TRIM2: variants seen among roughly 807,000 people sequenced by gnomAD.
The protein encoded by TRIM2 is tripartite motif-containing protein 2.
A neutral mutation model predicts 75.2 loss-of-function variants in TRIM2; 20 were observed. The observed-to-expected ratio is 0.27, with a 90% CI of 0.19 to 0.39. The LOEUF (loss-of-function observed/expected upper bound fraction) is 0.39, where lower values mean the gene tolerates loss of function less well. Ranked by LOEUF, TRIM2 falls within the 10% of genes least tolerant of loss-of-function variation. TRIM2 has a pLI of 1.00. For synonymous variants in TRIM2, 373 were observed against 388.3 expected, an observed-to-expected ratio of 0.96 and a Z score of 0.46; for missense variants, 660 against 990.8, an observed-to-expected ratio of 0.67 and a Z score of 4.48.
At chr4:153,192,749 C>T (rs1733340846) in intron 1 of TRIM2, among the ~76,000 whole-genome samples, 1 of 152,172 alleles carries the variant, frequency 6.6e-6, no homozygotes, top group Non-Finnish European at 1.5e-5. Flanking sequence ...GTCCCCGGGC[C>T]TTTGCACCCA....
Position 153,273,767 on chromosome 4 carries a change from C to A in TRIM2, c.216-2126C>A, listed in dbSNP as rs374183722. Among the ~76,000 whole-genome samples, 87 of 152,256 alleles carry A rather than the reference C, an allele frequency of 5.7e-4. 1 individual carries two copies. The South Asian group carries it at 0.017, about 30-fold the overall frequency. ...TTAAACCAGTGACAAGTGCTGTACACCAGAAGTATACAGGAAACAATATAA... is the reference window on the plus strand; with the variant it reads ...TTAAACCAGTGACAAGTGCTGTACAACAGAAGTATACAGGAAACAATATAA... On this transcript the variant is annotated intron_variant, in intron 2 of 11. Coordinates refer to ENST00000338700, the MANE Select transcript of TRIM2 (RefSeq NM_015271.5).
chr4:153,306,554 G>A (rs1023007807), intron 6 of TRIM2, among the ~76,000 whole-genome samples: 1 of 152,216 alleles, frequency 6.6e-6, no homozygotes, highest in Non-Finnish European at 1.5e-5. Flanking sequence ...TCAGTGAAAT[G>A]TCAAAGATAG....
chr4:153,338,110 C>A lies in TRIM2; in HGVS notation c.*3144C>A. On this transcript the variant is annotated 3_prime_UTR_variant, in exon 12 of 12. Transcript: ENST00000338700. ...TTTGAAGCAAATAAATACTCCAGAT[C>A]CATGCAGCTAGAACACACTTGCTTC... 1.0e-6 allele frequency: 1 copy of A among 985,816 alleles called. No individual in the cohort carries two copies. The highest frequency in any genetic ancestry group is 4.7e-5 in the South Asian group (1 of 21,284). 61.1% of individuals were successfully genotyped at this position (985,816 alleles called of 1,614,324 possible).
intron 1 of TRIM2, among the ~76,000 whole-genome samples, chr4:153,192,133 A>C (rs1198623966): frequency 6.6e-6 from 1 of 151,760 alleles, no homozygotes; most frequent in Non-Finnish European, 1.5e-5. Context: ...CTCACCCCAC[A>C]CCCTTCCCCA....
intron 1 of TRIM2, among the ~76,000 whole-genome samples, chr4:153,185,466 G>A (rs926122321): frequency 6.6e-6 from 1 of 152,112 alleles, no homozygotes; most frequent in Non-Finnish European, 1.5e-5. Flanking sequence ...CCTACTGCAT[G>A]TCTCGGTGTG....
chr4:153,272,987 C>T (rs757991675), intron 2 of TRIM2, among the ~76,000 whole-genome samples: 1 of 151,990 alleles, frequency 6.6e-6, no homozygotes, highest in African/African-American at 2.4e-5. Flanking sequence ...TACAGGCATG[C>T]GCCACTATGC....
At position 153,178,218 on chromosome 4, in the gene TRIM2, G is replaced by A. The variant is rs148647224; in HGVS notation, c.-49+24948G>A. Among the ~76,000 whole-genome samples, 320 of 152,176 alleles carry A rather than the reference G, an allele frequency of 2.1e-3. 1 individual carries two copies. The highest frequency in any genetic ancestry group is 4.1e-3 in the Admixed American group (62 of 15,288). On this transcript the variant is annotated intron_variant, in intron 1 of 11. Coordinates refer to the TRIM2 transcript ENST00000437508. ...TGAGAGGTCAGGCTGGCCCTGTCTC[G>A]TAATGCAGCTCGGTTAGCACAGGGG...
chr4:153,173,898 C>T (rs1426135307), intron 1 of TRIM2, among the ~76,000 whole-genome samples: 2 of 152,070 alleles, frequency 1.3e-5, no homozygotes, highest in African/African-American at 4.8e-5. Flanking sequence ...ACCTGGGAGG[C>T]AGAGGTTGCA....
chr4:153,290,003 T>C (rs1377507312), intron 3 of TRIM2, among the ~76,000 whole-genome samples: 2 of 152,238 alleles, frequency 1.3e-5, no homozygotes, highest in East Asian at 1.9e-4. Context: ...TCCTGAGCAC[T>C]GACCATGAAG....
At chr4:153,219,581 A>G (rs1739408005) in intron 1 of TRIM2, among the ~76,000 whole-genome samples, 1 of 152,238 alleles carries the variant, frequency 6.6e-6, no homozygotes, top group Non-Finnish European at 1.5e-5. Context: ...TAGAATTTTA[A>G]AAATGGGCCT....
chr4:153,335,609 T>A lies in TRIM2; in HGVS notation c.*643T>A. ...TGGGTTAGACAAAGATCCTTTTTTG[T>A]GTGTTCTTTTCACCACCCCTTTGGC... On this transcript the variant is annotated 3_prime_UTR_variant, in exon 12 of 12. Transcript: ENST00000338700. The A allele has an allele frequency of 1.0e-6, 1 of 985,460 alleles. No individual in the cohort carries two copies. The highest frequency in any genetic ancestry group is 1.2e-6 in the Non-Finnish European group (1 of 829,942). 61.0% of individuals were successfully genotyped at this position (985,460 alleles called of 1,614,324 possible).
intron 1 of TRIM2, among the ~76,000 whole-genome samples, chr4:153,169,888 A>G (rs1175305812): frequency 6.6e-6 from 1 of 152,204 alleles, no homozygotes; most frequent in Non-Finnish European, 1.5e-5. Context: ...ATAGCACAGC[A>G]CTTCGTGTGA....
At chr4:153,263,774 A>G (rs1362578287) in intron 1 of TRIM2, among the ~76,000 whole-genome samples, 1 of 152,236 alleles carries the variant, frequency 6.6e-6, no homozygotes, top group East Asian at 1.9e-4. Flanking sequence ...GGGTGCCCCC[A>G]TGGTGGGTTC....
Position 153,230,086 on chromosome 4 carries a change from T to C in TRIM2, c.30+25526T>C, listed in dbSNP as rs376633559. On this transcript the variant is annotated intron_variant, in intron 1 of 11. Coordinates refer to ENST00000338700, the MANE Select transcript of TRIM2 (RefSeq NM_015271.5). ...CACCCCTGCCCGTGTCCTAGATCTGTCTTTCAGTCTCTAGGGGCCTAGGCC... is the reference window on the plus strand; with the variant it reads ...CACCCCTGCCCGTGTCCTAGATCTGCCTTTCAGTCTCTAGGGGCCTAGGCC... Among the ~76,000 whole-genome samples the C allele has an allele frequency of 3.9e-5, 6 of 152,248 alleles. No homozygotes were observed. In the East Asian group the frequency reaches 7.7e-4, roughly 20 times the overall value.
At chr4:153,245,634 C>G (rs1363804694) in intron 1 of TRIM2, among the ~76,000 whole-genome samples, 1 of 152,224 alleles carries the variant, frequency 6.6e-6, no homozygotes, top group Non-Finnish European at 1.5e-5. Flanking sequence ...TTATTGAACA[C>G]AGTTATAATC....
chr4:153,175,810 T>G (rs1319841340), intron 1 of TRIM2, among the ~76,000 whole-genome samples: 1 of 152,074 alleles, frequency 6.6e-6, no homozygotes, highest in South Asian at 2.1e-4. Context: ...TAGGTAACAG[T>G]GCTGTATTGT....
intron 1 of TRIM2, among the ~76,000 whole-genome samples, chr4:153,236,866 A>AT (rs1417171291): frequency 9.2e-5 from 14 of 151,866 alleles, no homozygotes; most frequent in African/African-American, 2.9e-4. Flanking sequence ...TAATTTTTAA[A>AT]TTTTTGGTAG....
At chr4:153,219,347 A>C (rs935710555) in intron 1 of TRIM2, among the ~76,000 whole-genome samples, 2 of 152,170 alleles carry the variant, frequency 1.3e-5, no homozygotes, top group African/African-American at 2.4e-5. Flanking sequence ...CCCTCAAATA[A>C]TACTACTTAG....
chr4:153,281,205 C>A (rs1364350153), intron 3 of TRIM2, among the ~76,000 whole-genome samples: 2 of 152,176 alleles, frequency 1.3e-5, no homozygotes, highest in Non-Finnish European at 2.9e-5. Flanking sequence ...TATGGTGAGA[C>A]ATTTTCATAT....
Sources: gnomAD v4.1 joint callset for allele counts (sites outside exome capture counted in the v4.1 genomes callset) on GRCh38, gnomAD v4.1.1 for gene constraint, MANE v1.5 for transcripts, NCBI Gene and HGNC (gene_info 2026-07-23, HGNC 2026-07-21) for gene names.